DGKG: variants seen among roughly 807,000 people sequenced by gnomAD.
The protein encoded by DGKG is DAG kinase gamma.
In DGKG, 78 loss-of-function variants were observed where a neutral mutation model predicts 105.3. That is an observed-to-expected ratio of 0.74 (90% CI 0.62 to 0.89). The LOEUF (loss-of-function observed/expected upper bound fraction) is 0.89. DGKG is among the 40% of genes least tolerant of loss of function. DGKG has a pLI of 0.00. For missense variants in DGKG, 958 were observed against 1,020.1 expected (o/e 0.94, Z 0.83); for synonymous variants, 346 against 367.1 (o/e 0.94, Z 0.66).
At chr3:186,169,381 G>T (rs867334655) in intron 22 of DGKG, among the ~76,000 whole-genome samples, 2 of 152,222 alleles carry the variant, frequency 1.3e-5, no homozygotes, top group Non-Finnish European at 2.9e-5. Context: ...TCTTCTTTAC[G>T]CTTTTTGGTA....
At chr3:186,300,908 TTG>T (rs1723889483) in intron 3 of DGKG, among the ~76,000 whole-genome samples, 1 of 152,216 alleles carries the variant, frequency 6.6e-6, no homozygotes, top group African/African-American at 2.4e-5. Flanking sequence ...CTTCAGCAAA[TTG>T]TGAGTGTTGA....
chr3:186,241,497 G>A (rs543938270), intron 20 of DGKG, among the ~76,000 whole-genome samples: 36 of 152,144 alleles, frequency 2.4e-4, no homozygotes, highest in African/African-American at 8.7e-4. Context: ...AGGTTGCAGT[G>A]AGACAAGATC....
chr3:186,324,608 C>G (rs577326315), intron 1 of DGKG, among the ~76,000 whole-genome samples: 8 of 151,124 alleles, frequency 5.3e-5, no homozygotes, highest in South Asian at 2.1e-4. Context: ...AAGTGGCCAA[C>G]AAACATGAAA....
intron 21 of DGKG, among the ~76,000 whole-genome samples, chr3:186,194,268 G>A (rs1428686194): frequency 6.6e-6 from 1 of 152,248 alleles, no homozygotes; most frequent in Non-Finnish European, 1.5e-5. Flanking sequence ...GTAATCCTCT[G>A]CACCCCCGCC....
At chr3:186,175,957 C>T (rs1717057930) in intron 22 of DGKG, among the ~76,000 whole-genome samples, 1 of 152,132 alleles carries the variant, frequency 6.6e-6, no homozygotes, top group Non-Finnish European at 1.5e-5. Context: ...TGCCTAATAT[C>T]AGATAGCTGG....
intron 2 of DGKG, among the ~76,000 whole-genome samples, chr3:186,318,806 A>G (rs1032563931): frequency 5.3e-5 from 8 of 152,222 alleles, no homozygotes; most frequent in African/African-American, 1.7e-4. Flanking sequence ...CTTTGAGACT[A>G]TAAGGCTTAG....
chr3:186,238,028 C>T (rs1330451702), intron 20 of DGKG, among the ~76,000 whole-genome samples: 1 of 152,112 alleles, frequency 6.6e-6, no homozygotes, highest in Non-Finnish European at 1.5e-5. Flanking sequence ...AGTGGTGGCT[C>T]ACACCTGTAA....
chr3:186,172,639 G>A (rs570931319), intron 22 of DGKG, among the ~76,000 whole-genome samples: 11 of 152,322 alleles, frequency 7.2e-5, no homozygotes, highest in Non-Finnish European at 1.0e-4. Context: ...AGCTCTTACC[G>A]GGAGGGGTAT....
chr3:186,172,996 C>A (rs985251428), intron 22 of DGKG, among the ~76,000 whole-genome samples: 4 of 152,350 alleles, frequency 2.6e-5, no homozygotes, highest in Non-Finnish European at 5.9e-5. Flanking sequence ...TCCTCTGAGA[C>A]CCCTCCCTTT....
chr3:186,293,583 C>A (rs1723409003), intron 5 of DGKG, among the ~76,000 whole-genome samples: 1 of 152,206 alleles, frequency 6.6e-6, no homozygotes, highest in Non-Finnish European at 1.5e-5. Flanking sequence ...TGATAGATTG[C>A]TCAGGCCTCC....
chr3:186,295,298 C>T (rs1185863741), intron 5 of DGKG, among the ~76,000 whole-genome samples: 1 of 151,940 alleles, frequency 6.6e-6, no homozygotes, highest in African/African-American at 2.4e-5. Flanking sequence ...GTCAGGAGAT[C>T]GAGATCATCC....
intron 22 of DGKG, among the ~76,000 whole-genome samples, chr3:186,165,569 A>AC (rs971247892): frequency 6.6e-6 from 1 of 152,216 alleles, no homozygotes; most frequent in African/African-American, 2.4e-5. Context: ...CTTTCAGGAC[A>AC]CCAGGTGCCT....
chr3:186,251,649 G>A (rs1243515277), intron 19 of DGKG, 110 bp downstream of exon 19: 5 of 1,283,490 alleles, frequency 3.9e-6, no homozygotes, highest in Non-Finnish European at 5.5e-6. Flanking sequence ...CAGGGCTGGG[G>A]GGGCAGGTAA....
chr3:186,153,891 G>A (rs188502055), intron 24 of DGKG, among the ~76,000 whole-genome samples: 37 of 152,156 alleles, frequency 2.4e-4, no homozygotes, highest in African/African-American at 8.7e-4. Context: ...GATCGCATGA[G>A]CGCAGGAGTT....
chr3:186,307,021 A>C, intron 2 of DGKG, 44 bp from the exon 3 acceptor site: 1 of 1,362,414 alleles, frequency 7.3e-7, no homozygotes, highest in Non-Finnish European at 1.1e-6. Context: ...CAAATAGCTA[A>C]TGGAAGCTGG....
chr3:186,303,915 G>T (rs1013084215), intron 3 of DGKG, among the ~76,000 whole-genome samples: 1 of 152,226 alleles, frequency 6.6e-6, no homozygotes, highest in African/African-American at 2.4e-5. Context: ...AAACTCAAGA[G>T]AAATTAAACC....
intron 22 of DGKG, among the ~76,000 whole-genome samples, chr3:186,169,784 C>A (rs1037313454): frequency 1.3e-5 from 2 of 152,172 alleles, no homozygotes; most frequent in Admixed American, 1.3e-4. Flanking sequence ...CAAACCCTCC[C>A]AGGTAGATAT....
intron 1 of DGKG, among the ~76,000 whole-genome samples, chr3:186,332,235 G>A (rs1725638665): frequency 6.6e-6 from 1 of 152,194 alleles, no homozygotes; most frequent in African/African-American, 2.4e-5. Context: ...CATGAGCACA[G>A]AATGGAATAG....
intron 9 of DGKG, among the ~76,000 whole-genome samples, chr3:186,277,947 G>GT (rs1722659622): frequency 6.6e-6 from 1 of 152,162 alleles, no homozygotes; most frequent in Non-Finnish European, 1.5e-5. Context: ...ACCCCAAATA[G>GT]TAAGTGTTAA....
Sources: gnomAD v4.1 joint callset for allele counts (sites outside exome capture counted in the v4.1 genomes callset) on GRCh38, gnomAD v4.1.1 for gene constraint, MANE v1.5 for transcripts, NCBI Gene and HGNC (gene_info 2026-07-23, HGNC 2026-07-21) for gene names.